Variants in ANXA10 observed in about 807,000 individuals in gnomAD.
ANXA10 encodes annexin 14.
Under a neutral mutation model 53.5 loss-of-function variants are expected in ANXA10, and 49 were observed. The ratio of observed to expected loss-of-function variants is 0.92; its 90% confidence interval spans 0.73 to 1.16. ANXA10 has a LOEUF of 1.16. Ranked by LOEUF, ANXA10 falls within the 50% of genes most tolerant of loss-of-function variation. The pLI, the probability that ANXA10 is intolerant of heterozygous loss-of-function variation, is 0.00. For missense variants in ANXA10, 393 were observed against 394.4 expected, an observed-to-expected ratio of 1.00 and a Z score of 0.03; for synonymous variants, 131 against 128.9, an observed-to-expected ratio of 1.02 and a Z score of -0.11.
chr4:168,154,729 C>A (rs1371740453), intron 3 of ANXA10, among the ~76,000 whole-genome samples: 1 of 152,050 alleles, frequency 6.6e-6, no homozygotes, highest in African/African-American at 2.4e-5. Context: ...TCACTTTGGT[C>A]GCATATAATT....
intron 3 of ANXA10, among the ~76,000 whole-genome samples, chr4:168,142,763 A>G (rs1345323820): frequency 6.6e-6 from 1 of 152,198 alleles, no homozygotes; most frequent in African/African-American, 2.4e-5. Flanking sequence ...CCAATAAGAC[A>G]CAGGCAGGCT....
chr4:168,185,340 C>T (rs537361726), intron 11 of ANXA10, among the ~76,000 whole-genome samples: 9 of 152,318 alleles, frequency 5.9e-5, no homozygotes, highest in East Asian at 3.9e-4. Flanking sequence ...CAAAAGGCTG[C>T]ATTACTTTTG....
At chr4:168,172,170 T>C (rs1214162461) in intron 6 of ANXA10, among the ~76,000 whole-genome samples, 1 of 152,240 alleles carries the variant, frequency 6.6e-6, no homozygotes, top group Admixed American at 6.5e-5. Context: ...CTCAGGCCCT[T>C]TACATGACAA....
At chr4:168,122,073 T>A (rs2149468596) in intron 1 of ANXA10, among the ~76,000 whole-genome samples, 1 of 152,218 alleles carries the variant, frequency 6.6e-6, no homozygotes, top group African/African-American at 2.4e-5. Flanking sequence ...GAACTCCTGA[T>A]CTTGTGATCC....
chr4:168,127,809 G>A, intron 1 of ANXA10: 1 of 346,064 alleles, frequency 2.9e-6, no homozygotes, highest in Non-Finnish European at 4.9e-6. Flanking sequence ...GGAAAACAAT[G>A]TTGAAACCTT....
At chr4:168,165,131 TG>T in intron 5 of ANXA10, 115 bp from the exon 6 acceptor site, 1 of 497,962 alleles carries the variant, frequency 2.0e-6, no homozygotes, top group Non-Finnish European at 3.5e-6. Flanking sequence ...TGTCAACAGG[TG>T]GACTACATTT....
At chr4:168,178,472 ATT>A (rs965608683) in intron 8 of ANXA10, among the ~76,000 whole-genome samples, 2 of 152,048 alleles carry the variant, frequency 1.3e-5, no homozygotes, top group Non-Finnish European at 2.9e-5. Context: ...ATTAAAAAAA[ATT>A]TTGTTTTTTT....
At chr4:168,171,604 G>T (rs1320679356) in intron 6 of ANXA10, among the ~76,000 whole-genome samples, 3 of 152,048 alleles carry the variant, frequency 2.0e-5, no homozygotes, top group Non-Finnish European at 4.4e-5. Context: ...AAAAATCATT[G>T]TCATATTTTC....
chr4:168,163,940 C>T (rs1003863997), intron 4 of ANXA10, among the ~76,000 whole-genome samples: 3 of 152,138 alleles, frequency 2.0e-5, no homozygotes, highest in Non-Finnish European at 4.4e-5. Context: ...TCTTTCTCCA[C>T]ATTGTTTAGA....
chr4:168,112,259 G>A (rs1730820078), intron 1 of ANXA10, among the ~76,000 whole-genome samples: 1 of 152,108 alleles, frequency 6.6e-6, no homozygotes, highest in Non-Finnish European at 1.5e-5. Context: ...TCGTACCACT[G>A]CACTCCAGAG....
intron 6 of ANXA10, among the ~76,000 whole-genome samples, chr4:168,167,856 C>T (rs1406754049): frequency 1.3e-5 from 2 of 152,058 alleles, no homozygotes; most frequent in South Asian, 4.1e-4. Flanking sequence ...TAAAACTGGC[C>T]GGGTATTACT....
At chr4:168,164,742 G>A (rs1342947869) in intron 5 of ANXA10, among the ~76,000 whole-genome samples, 1 of 152,096 alleles carries the variant, frequency 6.6e-6, no homozygotes, top group East Asian at 1.9e-4. Flanking sequence ...AGTAGAAAGG[G>A]TAACTATTTT....
Position 168,120,342 on chromosome 4 carries a change from T to C in ANXA10, c.19-7742T>C, listed in dbSNP as rs145997595. Reference sequence around the variant, plus strand: ...AGCAATGTTTTTCCACCTGTTGCAATCTAGTCAAGTGTAAAATTTTCACCT... The same window carrying C: ...AGCAATGTTTTTCCACCTGTTGCAACCTAGTCAAGTGTAAAATTTTCACCT... On this transcript the variant is annotated intron_variant, in intron 1 of 11. Coordinates refer to ENST00000359299, the MANE Select transcript of ANXA10 (RefSeq NM_007193.5). 1.6e-3 allele frequency among the ~76,000 whole-genome samples: 249 copies of C among 152,204 alleles called. 1 individual carries two copies. Among genetic ancestry groups the C allele is most frequent in the African/African-American group, 5.5e-3 (229 of 41,572 alleles).
In ANXA10 at chr4:168,172,928, T is replaced by G. The variant is rs150146497; in HGVS notation, c.481-4812T>G. On this transcript the variant is annotated intron_variant, in intron 6 of 11. Coordinates refer to ENST00000359299, the MANE Select transcript of ANXA10 (RefSeq NM_007193.5). Reference sequence around the variant, plus strand: ...CCTCAGCCTCCCAAGTAGCTAGGATTACAGATGCCTGTCACCACGCCTGGC... The same window carrying G: ...CCTCAGCCTCCCAAGTAGCTAGGATGACAGATGCCTGTCACCACGCCTGGC... Among the ~76,000 whole-genome samples, 379 of 152,162 alleles carry G rather than the reference T, an allele frequency of 2.5e-3. 1 individual carries two copies. The highest frequency in any genetic ancestry group is 8.2e-3 in the African/African-American group (339 of 41,506).
intron 3 of ANXA10, among the ~76,000 whole-genome samples, chr4:168,152,140 G>A (rs1005006529): frequency 1.3e-5 from 2 of 152,198 alleles, no homozygotes; most frequent in Admixed American, 6.5e-5. Flanking sequence ...TGCATAGAAG[G>A]CAATAAATGC....
At chr4:168,115,936 G>T (rs1283928429) in intron 1 of ANXA10, among the ~76,000 whole-genome samples, 1 of 152,192 alleles carries the variant, frequency 6.6e-6, no homozygotes, top group African/African-American at 2.4e-5. Context: ...GTAAATAAAA[G>T]ATGTCACTGT....
At chr4:168,115,497 G>GCGCGCA (rs1245136318) in intron 1 of ANXA10, among the ~76,000 whole-genome samples, 9 of 136,528 alleles carry the variant, frequency 6.6e-5, no homozygotes, top group African/African-American at 1.3e-4. Flanking sequence ...CAATACACAC[G>GCGCGCA]CACACACACA....
intron 6 of ANXA10, among the ~76,000 whole-genome samples, chr4:168,171,117 T>A (rs1056942877): frequency 1.3e-5 from 2 of 152,194 alleles, no homozygotes; most frequent in African/African-American, 2.4e-5. Flanking sequence ...TAAAAGTCCA[T>A]CACTTCTCTT....
At chr4:168,139,912 C>T (rs1042831106) in intron 3 of ANXA10, among the ~76,000 whole-genome samples, 4 of 152,132 alleles carry the variant, frequency 2.6e-5, no homozygotes, top group Non-Finnish European at 5.9e-5. Context: ...GCTGGAAACA[C>T]CCCTGTGGCG....
Sources: allele counts gnomAD v4.1 joint callset (sites outside exome capture counted in the v4.1 genomes callset), GRCh38; gene constraint gnomAD v4.1.1; transcripts MANE v1.5; gene names NCBI Gene and HGNC (gene_info 2026-07-23, HGNC 2026-07-21).